The following RELN variants were observed in gnomAD, a reference collection of about 807,000 sequenced individuals.
The protein encoded by RELN is reelin.
A neutral mutation model predicts 427.6 loss-of-function variants in RELN; 108 were observed. The ratio of observed to expected loss-of-function variants is 0.25; its 90% CI spans 0.22 to 0.30. The LOEUF is 0.30. Among genes scored for constraint, RELN ranks in the 10% least tolerant of loss-of-function variants. The pLI, the probability that RELN is intolerant of heterozygous loss-of-function variation, is 1.00. For synonymous variants in RELN, 1,524 were observed against 1,513.4 expected (o/e 1.01, Z -0.16); for missense variants, 3,715 against 4,302.8 (o/e 0.86, Z 3.82).
chr7:103,703,343 C>T (rs977559649), intron 8 of RELN, among the ~76,000 whole-genome samples: 1 of 152,198 alleles, frequency 6.6e-6, no homozygotes, highest in Non-Finnish European at 1.5e-5. Flanking sequence ...AAATTGCAAT[C>T]CCACTATCCC....
intron 2 of RELN, among the ~76,000 whole-genome samples, chr7:103,893,156 A>G (rs974500411): frequency 1.7e-4 from 26 of 152,280 alleles, no homozygotes; most frequent in African/African-American, 6.3e-4. Flanking sequence ...GTGACTCCAC[A>G]TGAAGATGGA....
chr7:103,880,051 C>G (rs1242081495), intron 2 of RELN, among the ~76,000 whole-genome samples: 1 of 151,952 alleles, frequency 6.6e-6, no homozygotes, highest in East Asian at 1.9e-4. Context: ...TCCCCCTTTT[C>G]TGAAATGAAA....
chr7:103,619,539 A>G (rs996740228), intron 20 of RELN, among the ~76,000 whole-genome samples: 2 of 152,226 alleles, frequency 1.3e-5, no homozygotes, highest in Non-Finnish European at 2.9e-5. Flanking sequence ...AGTTTATAGA[A>G]ATTTGTTGGT....
At chr7:103,907,536 G>A (rs560826332) in intron 2 of RELN, among the ~76,000 whole-genome samples, 1 of 151,810 alleles carries the variant, frequency 6.6e-6, no homozygotes, top group East Asian at 1.9e-4. Flanking sequence ...GATTAGTGGT[G>A]GCCTAGGGGC....
At chr7:103,698,809 C>G (rs1172013129) in intron 9 of RELN, among the ~76,000 whole-genome samples, 1 of 152,142 alleles carries the variant, frequency 6.6e-6, no homozygotes, top group Non-Finnish European at 1.5e-5. Flanking sequence ...GCCACCGTGC[C>G]TGGCAAAGCT....
intron 2 of RELN, among the ~76,000 whole-genome samples, chr7:103,856,588 AG>A (rs762745647): frequency 0.097 from 13,409 of 137,624 alleles, 761 homozygotes; most frequent in East Asian, 0.24. Context: ...AAAAAAAAAA[AG>A]AAAGAAAGAA....
At chr7:103,837,017 TA>T (rs890056668) in intron 2 of RELN, among the ~76,000 whole-genome samples, 6 of 151,858 alleles carry the variant, frequency 4.0e-5, no homozygotes, top group Non-Finnish European at 8.8e-5. Context: ...CCCCAAGATT[TA>T]AAAAATATTC....
At chr7:103,820,281 T>C (rs1242659997) in intron 3 of RELN, among the ~76,000 whole-genome samples, 1 of 152,058 alleles carries the variant, frequency 6.6e-6, no homozygotes, top group Non-Finnish European at 1.5e-5. Context: ...GTTGGTATGA[T>C]ACTTAAAAGA....
intron 4 of RELN, among the ~76,000 whole-genome samples, chr7:103,775,608 TC>T (rs779947389): frequency 7.9e-5 from 12 of 151,794 alleles, no homozygotes; most frequent in South Asian, 2.1e-4. Context: ...GTTAACAAAT[TC>T]CCCCCCAAAT....
chr7:103,478,350 TTAG>T (rs1828109406), intron 64 of RELN, 36 bp downstream of exon 64: 1 of 752,954 alleles, frequency 1.3e-6, no homozygotes, highest in Admixed American at 1.7e-5. Flanking sequence ...GATGAAACTA[TTAG>T]TAAACAGTTC....
intron 8 of RELN, among the ~76,000 whole-genome samples, chr7:103,706,529 G>C (rs1834204173): frequency 1.3e-5 from 2 of 152,068 alleles, no homozygotes; most frequent in Admixed American, 1.3e-4. Context: ...TTTCACCCAA[G>C]GACACCTACT....
chr7:103,876,754 T>C (rs891140459), intron 2 of RELN, among the ~76,000 whole-genome samples: 6 of 151,720 alleles, frequency 4.0e-5, no homozygotes, highest in Admixed American at 6.6e-5. Flanking sequence ...AAAAAAATTA[T>C]CAGAACACAT....
chr7:103,635,821 A>C (rs943069243), intron 18 of RELN, among the ~76,000 whole-genome samples: 1 of 152,188 alleles, frequency 6.6e-6, no homozygotes, highest in Non-Finnish European at 1.5e-5. Context: ...GCACACTTGT[A>C]TACTATGTAC....
intron 37 of RELN, 68 bp downstream of exon 37, chr7:103,557,897 T>C: frequency 1.3e-6 from 1 of 792,298 alleles, no homozygotes; most frequent in Middle Eastern, 2.3e-4. Flanking sequence ...AAATCCGTGA[T>C]TTCTTTGTGG....
chr7:103,818,183 G>C (rs1792926971), intron 3 of RELN, among the ~76,000 whole-genome samples: 1 of 152,004 alleles, frequency 6.6e-6, no homozygotes. Context: ...CAGACAAAGA[G>C]GCTCACTCAC....
chr7:103,524,294 G>C (rs961608128), intron 46 of RELN, among the ~76,000 whole-genome samples: 2 of 152,102 alleles, frequency 1.3e-5, no homozygotes, highest in Admixed American at 6.5e-5. Flanking sequence ...CTGGATTTCA[G>C]CTTCCCACTT....
chr7:103,797,827 T>TA (rs1792346247), intron 3 of RELN, among the ~76,000 whole-genome samples: 1 of 152,030 alleles, frequency 6.6e-6, no homozygotes, highest in Non-Finnish European at 1.5e-5. Context: ...AGAAAGGAGG[T>TA]AACAAATCAA....
At chr7:103,498,432 C>A (rs189933860) in intron 53 of RELN, among the ~76,000 whole-genome samples, 180 bp from the exon 54 acceptor site, 2 of 152,206 alleles carry the variant, frequency 1.3e-5, no homozygotes, top group East Asian at 3.9e-4. Flanking sequence ...TATTGAAAAT[C>A]ATTTAAACTG....
At chr7:103,575,780 G>C (rs1830985622) in intron 28 of RELN, 75 bp from the exon 29 acceptor site, 1 of 1,523,080 alleles carries the variant, frequency 6.6e-7, no homozygotes, top group Non-Finnish European at 9.1e-7. Context: ...GAAAAATTCA[G>C]AAAAACTCAA....
Sources: allele counts gnomAD v4.1 joint callset (sites outside exome capture counted in the v4.1 genomes callset), GRCh38; gene constraint gnomAD v4.1.1; transcripts MANE v1.5; gene names NCBI Gene and HGNC (gene_info 2026-07-23, HGNC 2026-07-21).